The following SYT1 variants were observed in gnomAD, a reference collection of about 807,000 sequenced individuals.
The protein encoded by SYT1 is synaptotagmin 1, also known as synaptotagmin-1.
In SYT1, 8 loss-of-function variants were observed where a neutral mutation model predicts 44.8. The observed-to-expected ratio is 0.18, with a 90% CI of 0.10 to 0.32. SYT1 has a LOEUF of 0.32. Among genes scored for constraint, SYT1 ranks in the 10% least tolerant of loss-of-function variants. SYT1 has a pLI of 1.00. For synonymous variants in SYT1, 154 were observed against 188.8 expected, an observed-to-expected ratio of 0.82 and a Z score of 1.51; for missense variants, 286 against 509.3, an observed-to-expected ratio of 0.56 and a Z score of 4.22.
chr12:79,219,066 G>A (rs111305221), intron 4 of SYT1, among the ~76,000 whole-genome samples: 11 of 152,146 alleles, frequency 7.2e-5, no homozygotes, highest in African/African-American at 2.6e-4. Flanking sequence ...CAGGTTTGAG[G>A]TGGTATTTCA....
intron 2 of SYT1, among the ~76,000 whole-genome samples, chr12:79,020,015 T>C (rs1441856519): frequency 1.3e-5 from 2 of 151,944 alleles, no homozygotes; most frequent in African/African-American, 4.8e-5. Flanking sequence ...GTCAAGAGAA[T>C]GAATACTGCA....
chr12:79,314,168 CAAAAAAAAAAAAAA>C (rs34951756), intron 8 of SYT1, among the ~76,000 whole-genome samples: 1 of 67,300 alleles, frequency 1.5e-5, no homozygotes, highest in African/African-American at 6.3e-5. Flanking sequence ...GACTCCGTCT[CAAAAAAAAAAAAAA>C]AAAAAAAAAA....
At chr12:79,295,246 C>T (rs1229559954) in intron 6 of SYT1, among the ~76,000 whole-genome samples, 2 of 152,118 alleles carry the variant, frequency 1.3e-5, no homozygotes, top group Admixed American at 6.5e-5. Context: ...AGTCTACTCA[C>T]ACCTCTTTTT....
intron 3 of SYT1, among the ~76,000 whole-genome samples, chr12:79,123,091 A>C (rs941543257): frequency 7.2e-5 from 11 of 152,222 alleles, no homozygotes; most frequent in African/African-American, 2.7e-4. Flanking sequence ...AGAATAAAAT[A>C]TCTCTTAAAA....
At chr12:79,272,316 G>C (rs943414847) in intron 4 of SYT1, among the ~76,000 whole-genome samples, 1 of 152,244 alleles carries the variant, frequency 6.6e-6, no homozygotes, top group South Asian at 2.1e-4. Flanking sequence ...TTATATATTG[G>C]AAAGTTTTAT....
chr12:79,065,092 G>A (rs1183315519), intron 3 of SYT1, among the ~76,000 whole-genome samples: 1 of 152,118 alleles, frequency 6.6e-6, no homozygotes, highest in Non-Finnish European at 1.5e-5. Context: ...ACTTAAGGGA[G>A]GCCAGCGTAG....
At chr12:79,363,728 C>T (rs554683322) in intron 9 of SYT1, among the ~76,000 whole-genome samples, 129 of 148,184 alleles carry the variant, frequency 8.7e-4, no homozygotes, top group African/African-American at 3.2e-3. Context: ...AAGCGTGTCC[C>T]TGTCTCAAAA....
rs565465469 is a variant in SYT1 at position 79,400,634 on chromosome 12, G to A, written c.929-43439G>A. Reference sequence around the variant, plus strand: ...ATTAGAGCTATGGAAATTTGTAACTGTCTTAATCACCTCTGGTGAAACACA... The same window carrying A: ...ATTAGAGCTATGGAAATTTGTAACTATCTTAATCACCTCTGGTGAAACACA... On this transcript the variant is annotated intron_variant, in intron 9 of 10. Coordinates refer to ENST00000261205, the MANE Select transcript of SYT1 (RefSeq NM_005639.3). Among the ~76,000 whole-genome samples the A allele has an allele frequency of 5.4e-4, 82 of 152,334 alleles. 1 individual carries two copies. Among genetic ancestry groups the A allele is most frequent in the African/African-American group, 1.9e-3 (80 of 41,580 alleles).
At chr12:79,293,419 C>A (rs1879733405) in intron 6 of SYT1, among the ~76,000 whole-genome samples, 1 of 148,094 alleles carries the variant, frequency 6.8e-6, no homozygotes, top group African/African-American at 2.5e-5. Flanking sequence ...ATTAAAAAAT[C>A]TGTAAGACAT....
intron 1 of SYT1, among the ~76,000 whole-genome samples, chr12:78,882,089 A>G (rs1014257404): frequency 9.2e-5 from 14 of 151,778 alleles, no homozygotes; most frequent in African/African-American, 3.4e-4. Flanking sequence ...GTCGGGGGCC[A>G]TGTATGCTCT....
intron 9 of SYT1, among the ~76,000 whole-genome samples, chr12:79,419,888 A>G: frequency 6.6e-6 from 1 of 152,118 alleles, no homozygotes; most frequent in Non-Finnish European, 1.5e-5. Flanking sequence ...TTTCAGCCAT[A>G]TAAATGGCAC....
rs531074740 is a variant in SYT1, at chr12:79,130,475, G to A, written c.-18+83113G>A. Among the ~76,000 whole-genome samples, 3 of 152,318 alleles carry A rather than the reference G, an allele frequency of 2.0e-5. No individual in the cohort carries two copies. In the East Asian group the frequency reaches 5.8e-4, roughly 29 times the overall value. On this transcript the variant is annotated intron_variant, in intron 3 of 10. Coordinates refer to ENST00000261205, the MANE Select transcript of SYT1 (RefSeq NM_005639.3). ...ATGTCTGTTTCCAAACATCTTGAGAGCACAGGAATTGTCTGCCTTGATTCC... is the reference window on the plus strand; with the variant it reads ...ATGTCTGTTTCCAAACATCTTGAGAACACAGGAATTGTCTGCCTTGATTCC...
At chr12:79,156,691 TCTC>T (rs1286098502) in intron 3 of SYT1, among the ~76,000 whole-genome samples, 2 of 152,040 alleles carry the variant, frequency 1.3e-5, no homozygotes, top group Non-Finnish European at 2.9e-5. Context: ...ATGGTCTTGA[TCTC>T]CTGACCTTGT....
At chr12:79,016,861 G>T (rs865777248) in intron 2 of SYT1, among the ~76,000 whole-genome samples, 27 of 152,198 alleles carry the variant, frequency 1.8e-4, no homozygotes, top group Middle Eastern at 6.8e-3. Context: ...TATTTGAAAT[G>T]TAGTGTAGTT....
upstream of SYT1, chr12:78,864,346 A>AT (rs1873415370): frequency 8.0e-6 from 1 of 125,228 alleles, no homozygotes; most frequent in South Asian, 2.4e-4. Flanking sequence ...GTAGGTTTTG[A>AT]TTGAGAGTAA....
chr12:79,448,565 C>T (rs996858547), intron 10 of SYT1, among the ~76,000 whole-genome samples: 16 of 152,252 alleles, frequency 1.1e-4, no homozygotes, highest in African/African-American at 3.9e-4. Context: ...GACACAGACT[C>T]CATGGCATGG....
chr12:78,926,673 T>G (rs1355970006), intron 1 of SYT1: 5 of 152,064 alleles, frequency 3.3e-5, no homozygotes, highest in African/African-American at 7.2e-5. Context: ...TAAACATTTT[T>G]GGGAAGCAAA....
In SYT1 at chr12:79,076,767, G is replaced by A. The variant is rs578146911; in HGVS notation, c.-18+29405G>A. On this transcript the variant is annotated intron_variant, in intron 3 of 10. Coordinates refer to ENST00000261205, the MANE Select transcript of SYT1 (RefSeq NM_005639.3). Reference sequence around the variant, plus strand: ...TTTGGGATCACGAGGTCAGGAGATCGAGGCCATCCTGGCCAACGTGGTGAA... The same window carrying A: ...TTTGGGATCACGAGGTCAGGAGATCAAGGCCATCCTGGCCAACGTGGTGAA... Among the ~76,000 whole-genome samples the A allele has an allele frequency of 2.6e-5, 4 of 152,214 alleles. No homozygotes were observed. In the South Asian group the frequency reaches 6.2e-4, roughly 24 times the overall value.
chr12:78,987,750 C>T (rs201415051), intron 2 of SYT1, among the ~76,000 whole-genome samples: 4 of 152,034 alleles, frequency 2.6e-5, no homozygotes, highest in Admixed American at 6.6e-5. Context: ...TTTTACTCAA[C>T]ATTTAAAGAA....
Sources: allele counts gnomAD v4.1 joint callset (sites outside exome capture counted in the v4.1 genomes callset), GRCh38; gene constraint gnomAD v4.1.1; transcripts MANE v1.5; gene names NCBI Gene and HGNC (gene_info 2026-07-23, HGNC 2026-07-21).